ZIM2: variants seen among roughly 807,000 people sequenced by gnomAD.
ZIM2 encodes zinc finger protein 656.
ZIM2 carries 14 observed loss-of-function variants against 38.6 expected under a neutral mutation model. The ratio of observed to expected loss-of-function variants is 0.36; its 90% CI spans 0.24 to 0.57. The LOEUF (loss-of-function observed/expected upper bound fraction) is 0.57, where lower values mean the gene tolerates loss of function less well. Among genes scored for constraint, ZIM2 ranks in the 20% least tolerant of loss-of-function variants. ZIM2 has a pLI of 0.81. For synonymous variants in ZIM2, 247 were observed against 245.8 expected (o/e 1.00, Z -0.04); for missense variants, 680 against 695.1 (o/e 0.98, Z 0.24).
rs147553345 is a variant in ZIM2 at position 56,814,689 on chromosome 19, A to G, written c.490+3057T>C. 2.0e-5 allele frequency: 33 copies of G among 1,613,932 alleles called. No homozygotes were observed. The highest frequency in any genetic ancestry group is 2.8e-5 in the Non-Finnish European group (33 of 1,179,982). On this transcript the variant is annotated intron_variant, in intron 9 of 12. Transcript: ENST00000629319. This position sits in a 1 kb window ranked among gnomAD's most constrained non-coding sequence, Gnocchi z 5.8. ...CAGCCATCTGGCTCTGCTCCAGTAAATCATCTTCCCTATGAAGTCTCATAT... is the reference window on the plus strand; with the variant it reads ...CAGCCATCTGGCTCTGCTCCAGTAAGTCATCTTCCCTATGAAGTCTCATAT...
chr19:56,816,834 C>G (rs974984022), intron 9 of ZIM2: 2 of 1,614,038 alleles, frequency 1.2e-6, no homozygotes, highest in Admixed American at 1.7e-5. Context: ...ATTCCTGATT[C>G]TTACATTCCA....
chr19:56,795,536 G>A (rs541075558), intron 9 of ZIM2, among the ~76,000 whole-genome samples: 7 of 152,352 alleles, frequency 4.6e-5, no homozygotes, highest in South Asian at 2.1e-4. Context: ...CGCATGCGCC[G>A]TGGCTGGCTT....
At chr19:56,822,691 T>C (rs142074460) in intron 6 of ZIM2, 62 bp downstream of exon 6, 65 of 1,592,318 alleles carry the variant, frequency 4.1e-5, no homozygotes, top group Non-Finnish European at 5.1e-5. Flanking sequence ...ACTTTCCCCT[T>C]GAACCTGTGC....
intron 9 of ZIM2, chr19:56,813,158 G>A: frequency 1.0e-6 from 1 of 978,924 alleles, no homozygotes; most frequent in Non-Finnish European, 1.2e-6. Flanking sequence ...CAGGATCTAA[G>A]ACACTTAAAA....
At chr19:56,822,892 C>G (rs1442480223) in intron 5 of ZIM2, 56 bp from the exon 6 acceptor site, 1 of 1,575,388 alleles carries the variant, frequency 6.3e-7, no homozygotes, top group Non-Finnish European at 8.6e-7. Flanking sequence ...ACCTGTTTTC[C>G]CTGCATGTGC....
At chr19:56,801,340 C>T (rs1272183781) in intron 9 of ZIM2, among the ~76,000 whole-genome samples, 1 of 152,138 alleles carries the variant, frequency 6.6e-6, no homozygotes, top group African/African-American at 2.4e-5. Flanking sequence ...CCTCTGCAGG[C>T]AACACACTCC....
chr19:56,812,054 C>T (rs2059576430), intron 9 of ZIM2: 1 of 983,178 alleles, frequency 1.0e-6, no homozygotes, highest in Non-Finnish European at 1.2e-6. Flanking sequence ...AGACACATTT[C>T]CCCCAGTGGG....
intron 8 of ZIM2, 78 bp downstream of exon 8, chr19:56,818,522 A>G (rs906192932): frequency 1.3e-5 from 20 of 1,493,258 alleles, no homozygotes; most frequent in Non-Finnish European, 1.7e-5. Context: ...GGACTCTAAC[A>G]TCCAGCTTAA....
intron 10 of ZIM2, among the ~76,000 whole-genome samples, chr19:56,789,355 A>G (rs981434992): frequency 1.3e-5 from 2 of 152,232 alleles, no homozygotes; most frequent in African/African-American, 2.4e-5. Context: ...TTAGGCAGCA[A>G]TAACTAAGTG....
In ZIM2 at chr19:56,775,477, A is replaced by C; in HGVS notation, c.888T>G (p.Leu296=). 1 of 1,613,804 alleles carries C rather than the reference A, an allele frequency of 6.2e-7. No individual in the cohort carries two copies. The highest frequency in any genetic ancestry group is 1.1e-5 in the South Asian group (1 of 91,062). Residue 296 remains leucine, a synonymous_variant, in exon 13 of 13, where the codon CTT becomes CTG. Transcript: ENST00000629319. The part of the protein sequence containing the change: ...LEPHQGNQEK[L]LTPITMNDPK... ...GGTCATTCATTGTTATAGGAGTCAA[A>C]AGTTTCTCTTGGTTGCCCTGGTGTG...
chr19:56,824,410 C>T lies in ZIM2; in HGVS notation c.-133G>A. ...GGACCAAGAGCTCGATGATCTCCTC[C>T]TTGGTGCGGGTCTCCGGCTGCAACC... On this transcript the variant is annotated 5_prime_UTR_variant, in exon 4 of 13. Coordinates refer to ENST00000629319, the MANE Select transcript of ZIM2 (RefSeq NM_001387356.1). The T allele has an allele frequency of 6.2e-7, 1 of 1,614,138 alleles. No individual in the cohort carries two copies. Among genetic ancestry groups the T allele is most frequent in the East Asian group, 2.2e-5 (1 of 44,864 alleles).
chr19:56,811,573 G>T (rs1450285293), intron 9 of ZIM2: 2 of 985,156 alleles, frequency 2.0e-6, no homozygotes, highest in African/African-American at 3.5e-5. Flanking sequence ...CTGACTTACA[G>T]CAAGTTGCTT....
chr19:56,830,412 C>T (rs2061465835), intron 2 of ZIM2, among the ~76,000 whole-genome samples: 1 of 152,176 alleles, frequency 6.6e-6, no homozygotes, highest in Non-Finnish European at 1.5e-5. Flanking sequence ...ACAGCCTTTC[C>T]TCATAAATTC....
chr19:56,781,339 C>T (rs916043222), intron 11 of ZIM2, among the ~76,000 whole-genome samples: 4 of 152,184 alleles, frequency 2.6e-5, no homozygotes, highest in African/African-American at 9.7e-5. Flanking sequence ...TTTCACTTTT[C>T]ACTTTCAACT....
Position 56,821,752 on chromosome 19 carries a change from T to G in ZIM2, c.193A>C (p.Met65Leu). The G allele has an allele frequency of 6.2e-7, 1 of 1,613,760 alleles. No individual in the cohort carries two copies. Among genetic ancestry groups the G allele is most frequent in the Non-Finnish European group, 8.5e-7 (1 of 1,179,994 alleles). Residue 65 changes from methionine to leucine, a missense_variant and splice_region_variant, in exon 7 of 13, where the codon ATG becomes CTG. Met to Leu is a conservative substitution (Grantham distance 15). Transcript: ENST00000629319. ...GGAAGGGAAAGATCCCGCGGAGGCA[T>G]CCCTGGGAAGAAAAAAGGCATCAAC... ...WSHTRNPRSRMPPRDLSLPVV... is the reference protein window; with the variant it reads ...WSHTRNPRSRLPPRDLSLPVV...
chr19:56,836,137 T>A (rs572405472), intron 1 of ZIM2, 33 bp from the exon 2 acceptor site: 34 of 452,164 alleles, frequency 7.5e-5, no homozygotes, highest in South Asian at 5.1e-4. Flanking sequence ...AGACGCCAAG[T>A]TTATTTTGCA....
intron 9 of ZIM2, chr19:56,798,183 T>G (rs2047325329): frequency 6.6e-6 from 1 of 152,236 alleles, no homozygotes; most frequent in South Asian, 2.1e-4. Flanking sequence ...GAATTACTTA[T>G]CAGGGCAAAC....
chr19:56,781,662 TAAC>T (rs1230642854), intron 11 of ZIM2, among the ~76,000 whole-genome samples: 8 of 152,080 alleles, frequency 5.3e-5, no homozygotes, highest in African/African-American at 1.7e-4. Flanking sequence ...ATGTCAATAA[TAAC>T]AACAACAATA....
At chr19:56,815,385 G>GT in intron 9 of ZIM2, 2 of 1,614,158 alleles carry the variant, frequency 1.2e-6, no homozygotes, top group Non-Finnish European at 1.7e-6. Flanking sequence ...GCTCTTGGGC[G>GT]TAACTTGTTT....
Sources: gnomAD v4.1 joint callset for allele counts (sites outside exome capture counted in the v4.1 genomes callset) on GRCh38, gnomAD v4.1.1 for gene constraint, Gnocchi (gnomAD v3.1) non-coding constraint, MANE v1.5 for transcripts, NCBI Gene and HGNC (gene_info 2026-07-23, HGNC 2026-07-21) for gene names.